The following FAM81A variants were observed in gnomAD, a reference collection of about 807,000 sequenced individuals.
The protein encoded by FAM81A is protein FAM81A.
A neutral mutation model predicts 46.7 loss-of-function variants in FAM81A; 19 were observed. The ratio of observed to expected loss-of-function variants is 0.41; its 90% CI spans 0.28 to 0.60. The LOEUF (loss-of-function observed/expected upper bound fraction) is 0.60, where lower values mean the gene tolerates loss of function less well. Among genes scored for constraint, FAM81A ranks in the 20% least tolerant of loss-of-function variants. The pLI, the probability that FAM81A is intolerant of heterozygous loss-of-function variation, is 0.34. For synonymous variants in FAM81A, 183 were observed against 152.9 expected (o/e 1.20, Z -1.45); for missense variants, 377 against 453.5 (o/e 0.83, Z 1.53).
chr15:59,506,631 C>T (rs185859198), intron 4 of FAM81A, among the ~76,000 whole-genome samples: 321 of 152,254 alleles, frequency 2.1e-3, no homozygotes, highest in African/African-American at 7.4e-3. Context: ...TATTAGGACT[C>T]GACAGAGGCC....
At chr15:59,417,900 T>G (rs1463038776) in intron 2 of FAM81A, among the ~76,000 whole-genome samples, 1 of 152,066 alleles carries the variant, frequency 6.6e-6, no homozygotes, top group Non-Finnish European at 1.5e-5. Flanking sequence ...TAGGTTTATC[T>G]CCTAATGCTA....
chr15:59,482,749 T>C (rs2081869520), intron 3 of FAM81A, among the ~76,000 whole-genome samples: 1 of 152,222 alleles, frequency 6.6e-6, no homozygotes. Context: ...CACCACTACA[T>C]ACAAAAAGAA....
chr15:59,453,087 T>C (rs2081438615), intron 1 of FAM81A, among the ~76,000 whole-genome samples: 1 of 152,182 alleles, frequency 6.6e-6, no homozygotes, highest in Admixed American at 6.5e-5. Flanking sequence ...AAAAAATAGA[T>C]ATGTATTCTA....
At chr15:59,450,102 TC>T (rs1309839935) in intron 1 of FAM81A, among the ~76,000 whole-genome samples, 6 of 38,080 alleles carry the variant, frequency 1.6e-4, no homozygotes, top group East Asian at 9.9e-4. Context: ...TTTCTTTCTT[TC>T]TTTTTTTTTT....
intron 4 of FAM81A, among the ~76,000 whole-genome samples, chr15:59,494,347 G>A (rs1253028687): frequency 6.6e-6 from 1 of 152,160 alleles, no homozygotes; most frequent in East Asian, 1.9e-4. Context: ...TGCGGATGAA[G>A]ATCAAGTGGG....
At chr15:59,476,649 G>T (rs1338392321) in intron 3 of FAM81A, among the ~76,000 whole-genome samples, 1 of 151,948 alleles carries the variant, frequency 6.6e-6, no homozygotes, top group Non-Finnish European at 1.5e-5. Context: ...AATTAGCTGG[G>T]CCTGATGGCA....
chr15:59,478,665 C>T (rs1038686019), intron 3 of FAM81A, among the ~76,000 whole-genome samples: 3 of 152,188 alleles, frequency 2.0e-5, no homozygotes, highest in Non-Finnish European at 4.4e-5. Flanking sequence ...TGTTTTCATT[C>T]TACCCACTAG....
intron 2 of FAM81A, among the ~76,000 whole-genome samples, chr15:59,432,186 A>T (rs2081223500): frequency 6.6e-6 from 1 of 152,188 alleles, no homozygotes; most frequent in African/African-American, 2.4e-5. Flanking sequence ...GTTTCAGTTT[A>T]ATTAATTAAG....
intron 4 of FAM81A, among the ~76,000 whole-genome samples, chr15:59,503,491 C>T (rs2082117006): frequency 6.6e-6 from 1 of 151,972 alleles, no homozygotes; most frequent in Admixed American, 6.6e-5. Context: ...TGGACACTTC[C>T]AGTATGCACA....
chr15:59,510,108 A>G (rs899702378), intron 6 of FAM81A, among the ~76,000 whole-genome samples: 7 of 152,166 alleles, frequency 4.6e-5, no homozygotes, highest in Non-Finnish European at 1.0e-4. Flanking sequence ...GCTCATGCCT[A>G]TAATCTCAGC....
chr15:59,514,275 T>TA lies in FAM81A; in HGVS notation c.651-14_651-13insA. 1 of 704,192 alleles carries TA rather than the reference T, an allele frequency of 1.4e-6. No individual in the cohort carries two copies. The highest frequency in any genetic ancestry group is 2.0e-6 in the Non-Finnish European group (1 of 503,448). The allele number at this position is 704,192 out of a possible 1,614,324, so 43.6% of individuals were successfully genotyped here. A position where few individuals can be genotyped will look rare whatever the true frequency, so the allele number is the denominator to read the frequency against. ...AAACTGTTTTACATCTAACTTGCAA[T>TA]TTTTTTTTTTTAGATTTAAAGGTAC... On this transcript the variant is annotated splice_polypyrimidine_tract_variant and intron_variant, in intron 6 of 8. Coordinates refer to ENST00000288228, the MANE Select transcript of FAM81A (RefSeq NM_152450.3).
chr15:59,440,465 C>T (rs1358572748), intron 1 of FAM81A, among the ~76,000 whole-genome samples: 1 of 152,156 alleles, frequency 6.6e-6, no homozygotes, highest in Non-Finnish European at 1.5e-5. Context: ...CGTGAGCAGC[C>T]AGCTTCATTC....
chr15:59,427,249 C>T (rs1039187346), intron 2 of FAM81A, among the ~76,000 whole-genome samples: 1 of 151,996 alleles, frequency 6.6e-6, no homozygotes, highest in Non-Finnish European at 1.5e-5. Context: ...CAGCTGGGAT[C>T]ACAGGTGCAT....
At chr15:59,479,115 G>C (rs1345427747) in intron 3 of FAM81A, among the ~76,000 whole-genome samples, 4 of 152,220 alleles carry the variant, frequency 2.6e-5, no homozygotes, top group African/African-American at 9.6e-5. Context: ...GCACACTTTA[G>C]TGGGGTGTAC....
intron 1 of FAM81A, among the ~76,000 whole-genome samples, chr15:59,455,385 G>A (rs2081471286): frequency 6.6e-6 from 1 of 152,160 alleles, no homozygotes; most frequent in East Asian, 1.9e-4. Flanking sequence ...GTTGTAGACA[G>A]ACCTGTGGTA....
At chr15:59,512,629 C>T (rs1241247366) in intron 6 of FAM81A, among the ~76,000 whole-genome samples, 4 of 152,076 alleles carry the variant, frequency 2.6e-5, no homozygotes, top group African/African-American at 9.7e-5. Context: ...CTTCTAAGGT[C>T]CTGGCAGTGT....
intron 4 of FAM81A, among the ~76,000 whole-genome samples, chr15:59,498,513 C>A (rs1303131418): frequency 6.6e-6 from 1 of 152,182 alleles, no homozygotes; most frequent in African/African-American, 2.4e-5. Context: ...GATTTCATTT[C>A]ATTTTCTTGC....
At chr15:59,480,817 A>G (rs1465392146) in intron 3 of FAM81A, among the ~76,000 whole-genome samples, 6 of 152,186 alleles carry the variant, frequency 3.9e-5, no homozygotes, top group Non-Finnish European at 4.4e-5. Flanking sequence ...TGACAAATTC[A>G]GGAACATTAT....
intron 3 of FAM81A, among the ~76,000 whole-genome samples, chr15:59,490,750 C>T (rs369702184): frequency 2.0e-4 from 31 of 152,234 alleles, no homozygotes; most frequent in Admixed American, 4.6e-4. Context: ...GCATGAGAAT[C>T]GCTTGAATCC....
Sources: allele counts gnomAD v4.1 joint callset (sites outside exome capture counted in the v4.1 genomes callset), GRCh38; gene constraint gnomAD v4.1.1; transcripts MANE v1.5; gene names NCBI Gene and HGNC (gene_info 2026-07-23, HGNC 2026-07-21).